SRGAP3: variants seen among roughly 807,000 people sequenced by gnomAD.
The protein encoded by SRGAP3 is SLIT-ROBO Rho GTPase activating protein 3.
In SRGAP3, 39 loss-of-function variants were observed where a neutral mutation model predicts 121.1. That is an observed-to-expected ratio of 0.32 (90% confidence interval 0.25 to 0.42). The LOEUF (loss-of-function observed/expected upper bound fraction) is 0.42. SRGAP3 is among the 10% of genes least tolerant of loss of function. The pLI, the probability that SRGAP3 is intolerant of heterozygous loss-of-function variation, is 1.00. For synonymous variants in SRGAP3, 601 were observed against 570.0 expected, an observed-to-expected ratio of 1.05 and a Z score of -0.77; for missense variants, 1,213 against 1,470.6, an observed-to-expected ratio of 0.82 and a Z score of 2.86.
chr3:9,026,743 A>C (rs922841417), intron 13 of SRGAP3, among the ~76,000 whole-genome samples, 192 bp downstream of exon 13: 1 of 152,162 alleles, frequency 6.6e-6, no homozygotes, highest in African/African-American at 2.4e-5. Flanking sequence ...TCTCACCATG[A>C]TCTCCATCCC....
intron 1 of SRGAP3, among the ~76,000 whole-genome samples, chr3:9,200,191 G>T (rs1952029405): frequency 6.6e-6 from 1 of 152,194 alleles, no homozygotes; most frequent in Non-Finnish European, 1.5e-5. Context: ...GAAAAAGTAT[G>T]TGTCCTTTAT....
intron 13 of SRGAP3, among the ~76,000 whole-genome samples, chr3:9,026,076 C>T (rs1356454104): frequency 6.6e-6 from 1 of 152,170 alleles, no homozygotes; most frequent in African/African-American, 2.4e-5. Context: ...GCCACACTGA[C>T]CTTCCTCCCC....
rs138360684 is a variant in SRGAP3, at chr3:8,990,527, G to A, written c.2871C>T (p.Ala957=). The A allele has an allele frequency of 2.2e-5, 34 of 1,559,540 alleles. No homozygotes were observed. In the African/African-American group the frequency reaches 2.9e-4, roughly 13 times the overall value. Residue 957 remains alanine, a synonymous_variant, in exon 21 of 22, where the codon GCC becomes GCT. Coordinates refer to ENST00000383836, the MANE Select transcript of SRGAP3 (RefSeq NM_014850.4). ...TGGCCCTTACTTCTGCCAGGGCCTCGGCCTCCAGGGACTTGTGGTCCCCTA... is the reference window on the plus strand; with the variant it reads ...TGGCCCTTACTTCTGCCAGGGCCTCAGCCTCCAGGGACTTGTGGTCCCCTA... ...SSLGDHKSLE[A]EALAEDIEKT... is the part of the protein sequence containing the mutation.
rs112704421 is a variant in SRGAP3 at position 9,130,230 on chromosome 3, T to C, written c.68-5313A>G. ...CACAACACCACTCACCCCCCACACA[T>C]ACATACATTCAACGTGGATGTATAA... is the stretch of plus-strand genomic sequence containing the variant. On this transcript the variant is annotated intron_variant, in intron 1 of 21. Coordinates refer to ENST00000383836, the MANE Select transcript of SRGAP3 (RefSeq NM_014850.4). Among the ~76,000 whole-genome samples the C allele has an allele frequency of 4.6e-5, 7 of 152,062 alleles. No individual in the cohort carries two copies. The East Asian group carries it at 1.4e-3, about 29-fold the overall frequency.
At chr3:9,096,954 TATATATATATATATATATATATATATAC>T (rs1327944121) in intron 3 of SRGAP3, among the ~76,000 whole-genome samples, 6,427 of 101,326 alleles carry the variant, frequency 0.063, 594 homozygotes, top group African/African-American at 0.25. Flanking sequence ...TATATATATA[TATATATATATATATATATATATATATAC>T]ACATACACAC....
intron 1 of SRGAP3, among the ~76,000 whole-genome samples, chr3:9,351,036 T>C (rs1179693860): frequency 2.0e-5 from 3 of 152,154 alleles, no homozygotes; most frequent in African/African-American, 4.8e-5. Flanking sequence ...TCTTTTTTCA[T>C]GTGGTCTTTC....
intron 3 of SRGAP3, among the ~76,000 whole-genome samples, chr3:9,260,874 G>A (rs1363345113): frequency 1.3e-5 from 2 of 152,232 alleles, no homozygotes; most frequent in East Asian, 1.9e-4. Context: ...GCATCCTCAA[G>A]CGGATCCCTG....
At chr3:8,987,008 G>T (rs767642129) in intron 21 of SRGAP3, among the ~76,000 whole-genome samples, 1 of 152,230 alleles carries the variant, frequency 6.6e-6, no homozygotes, top group Admixed American at 6.5e-5. Flanking sequence ...CAGGCCACAG[G>T]GCCCCGGACT....
At chr3:9,230,866 AAAAAAG>A (rs1232494067) in intron 1 of SRGAP3, among the ~76,000 whole-genome samples, 8 of 146,628 alleles carry the variant, frequency 5.5e-5, no homozygotes, top group African/African-American at 1.9e-4. Context: ...CAAAAAAAAA[AAAAAAG>A]AAAAGAAAAG....
intron 1 of SRGAP3, among the ~76,000 whole-genome samples, chr3:9,246,090 C>T (rs925273506): frequency 4.6e-5 from 7 of 152,174 alleles, no homozygotes; most frequent in Non-Finnish European, 8.8e-5. Context: ...CAAGAGAAGG[C>T]ATGAATCCTT....
At chr3:9,127,931 G>A (rs889159910) in intron 1 of SRGAP3, among the ~76,000 whole-genome samples, 1 of 151,424 alleles carries the variant, frequency 6.6e-6, no homozygotes, top group African/African-American at 2.4e-5. Context: ...AAAAGAACAG[G>A]TGAGGAGAGA....
chr3:9,240,813 T>A (rs1355707154), intron 1 of SRGAP3, among the ~76,000 whole-genome samples: 1 of 152,210 alleles, frequency 6.6e-6, no homozygotes, highest in African/African-American at 2.4e-5. Flanking sequence ...TCTGGCAGCC[T>A]GCATCACAGC....
intron 3 of SRGAP3, among the ~76,000 whole-genome samples, chr3:9,263,438 T>A (rs1317867628): frequency 6.6e-6 from 1 of 151,970 alleles, no homozygotes; most frequent in African/African-American, 2.4e-5. Flanking sequence ...AGGAGCTAGC[T>A]TTTTTGAAAA....
intron 3 of SRGAP3, among the ~76,000 whole-genome samples, chr3:9,322,745 C>T (rs1009133635): frequency 4.0e-5 from 6 of 151,776 alleles, no homozygotes; most frequent in African/African-American, 1.4e-4. Flanking sequence ...AAACGAGTCC[C>T]TGGTACCAAA....
At chr3:9,028,172 GAA>G in intron 12 of SRGAP3, 2 of 1,613,348 alleles carry the variant, frequency 1.2e-6, no homozygotes, top group Non-Finnish European at 1.7e-6. Flanking sequence ...AGGAGAAAAA[GAA>G]AAGATTATGC....
intron 11 of SRGAP3, chr3:9,034,092 C>T (rs539469481): frequency 1.3e-5 from 2 of 152,244 alleles, no homozygotes; most frequent in African/African-American, 4.8e-5. Context: ...GAAACAGCCA[C>T]AAACACTGGA....
intron 1 of SRGAP3, among the ~76,000 whole-genome samples, chr3:9,140,535 A>G (rs1338168164): frequency 2.0e-5 from 3 of 152,254 alleles, no homozygotes; most frequent in Non-Finnish European, 4.4e-5. Context: ...CTATGTGCTA[A>G]GCCAAGGCTT....
At chr3:9,163,990 T>TC (rs1950692630) in intron 1 of SRGAP3, among the ~76,000 whole-genome samples, 1 of 138,184 alleles carries the variant, frequency 7.2e-6, no homozygotes, top group African/African-American at 2.7e-5. Flanking sequence ...ACTATTCTTT[T>TC]TTTTTTTTTT....
At chr3:9,355,816 A>G (rs550767942) in intron 1 of SRGAP3, 1 of 152,222 alleles carries the variant, frequency 6.6e-6, no homozygotes, top group South Asian at 2.1e-4. Flanking sequence ...TGGAGGCTGG[A>G]AAGTCCAATG....
Sources: allele counts gnomAD v4.1 joint callset (sites outside exome capture counted in the v4.1 genomes callset), GRCh38; gene constraint gnomAD v4.1.1; transcripts MANE v1.5; gene names NCBI Gene and HGNC (gene_info 2026-07-23, HGNC 2026-07-21).